FHOD3: variants seen among roughly 807,000 people sequenced by gnomAD.
FHOD3 encodes the protein FH1/FH2 domain-containing protein 3.
FHOD3 carries 90 observed loss-of-function variants against 173.0 expected under a neutral mutation model. That is an observed-to-expected ratio of 0.52 (90% confidence interval 0.44 to 0.62). FHOD3 has a LOEUF of 0.62. Among genes scored for constraint, FHOD3 ranks in the 20% least tolerant of loss-of-function variants. FHOD3 has a pLI of 0.00. For synonymous variants in FHOD3, 828 were observed against 823.0 expected (o/e 1.01, Z -0.10); for missense variants, 1,945 against 2,034.7 (o/e 0.96, Z 0.85).
intron 1 of FHOD3, among the ~76,000 whole-genome samples, chr18:36,349,927 C>T (rs1020914534): frequency 2.6e-5 from 4 of 152,064 alleles, no homozygotes; most frequent in South Asian, 2.1e-4. Context: ...CCACCACACC[C>T]GGCTAATTTT....
At chr18:36,398,264 G>A (rs1336009038) in intron 3 of FHOD3, among the ~76,000 whole-genome samples, 1 of 152,172 alleles carries the variant, frequency 6.6e-6, no homozygotes, top group Non-Finnish European at 1.5e-5. Flanking sequence ...TGAACTATTT[G>A]CACCATATCT....
rs1479376630 is a variant in FHOD3, at chr18:36,740,865, G to A, written c.3759+27G>A. The A allele has an allele frequency of 1.9e-6, 3 of 1,594,632 alleles. No individual in the cohort carries two copies. In the African/African-American group the frequency reaches 4.1e-5, roughly 22 times the overall value. On this transcript the variant is annotated intron_variant, in intron 21 of 28. Transcript: ENST00000590592. ...TAAGCTCTCTGTAAGAGAGGCCGCT[G>A]ATCCCACATCCACAGTGTTGAGAAA...
intron 19 of FHOD3, 149 bp from the exon 20 acceptor site, chr18:36,730,497 C>A: frequency 1.5e-6 from 1 of 673,234 alleles, no homozygotes; most frequent in Non-Finnish European, 2.4e-6. Flanking sequence ...CTGATACTTT[C>A]TGTGCTGAAC....
At position 36,372,661 on chromosome 18, in the gene FHOD3, T is replaced by A. The variant is rs748941627; in HGVS notation, c.273-19T>A. On this transcript the variant is annotated intron_variant, in intron 2 of 28. Coordinates refer to ENST00000590592, the MANE Select transcript of FHOD3 (RefSeq NM_001281740.3). ...TGCTGACTCCTCTGATGCCCCTGTT[T>A]TGTCTCCTGTCTCGTTAGGCGGGGC... is the stretch of plus-strand genomic sequence containing the variant. 6.2e-7 allele frequency: 1 copy of A among 1,613,026 alleles called. No homozygotes were observed. Among genetic ancestry groups the A allele is most frequent in the East Asian group, 2.2e-5 (1 of 44,818 alleles).
At chr18:36,539,103 A>G (rs746465363) in intron 5 of FHOD3, among the ~76,000 whole-genome samples, 1 of 152,248 alleles carries the variant, frequency 6.6e-6, no homozygotes, top group Non-Finnish European at 1.5e-5. Flanking sequence ...TAAGACCACT[A>G]TCCATACTCA....
chr18:36,701,126 T>G (rs1013072910), intron 17 of FHOD3, among the ~76,000 whole-genome samples: 1 of 152,174 alleles, frequency 6.6e-6, no homozygotes, highest in African/African-American at 2.4e-5. Flanking sequence ...GGGTTATGAG[T>G]TGGCGAATGG....
At chr18:36,672,412 C>T (rs1030553129) in intron 14 of FHOD3, among the ~76,000 whole-genome samples, 9 of 152,092 alleles carry the variant, frequency 5.9e-5, no homozygotes, top group Admixed American at 2.6e-4. Flanking sequence ...TGCAGTCAGC[C>T]GGTCGTTGAT....
At chr18:36,409,326 G>T (rs747608438) in intron 3 of FHOD3, among the ~76,000 whole-genome samples, 1 of 152,196 alleles carries the variant, frequency 6.6e-6, no homozygotes, top group East Asian at 1.9e-4. Flanking sequence ...CACAGTCTAG[G>T]AGTTCGAGGC....
intron 5 of FHOD3, among the ~76,000 whole-genome samples, chr18:36,528,350 C>T (rs746455720): frequency 3.9e-5 from 6 of 152,178 alleles, no homozygotes; most frequent in African/African-American, 1.2e-4. Context: ...TACTGTAAAA[C>T]GGGACCTGAA....
chr18:36,576,576 T>C, intron 6 of FHOD3, 31 bp downstream of exon 6: 2 of 1,523,938 alleles, frequency 1.3e-6, no homozygotes, highest in Non-Finnish European at 1.8e-6. Context: ...ACTGTTTTGT[T>C]CACTTGTCAT....
intron 24 of FHOD3, among the ~76,000 whole-genome samples, chr18:36,752,157 T>C (rs2042428613): frequency 6.6e-6 from 1 of 152,148 alleles, no homozygotes; most frequent in Admixed American, 6.5e-5. Flanking sequence ...GGATGGGGGA[T>C]ACCGCCCCCT....
chr18:36,326,324 C>T (rs375527282), intron 1 of FHOD3, among the ~76,000 whole-genome samples: 1 of 152,322 alleles, frequency 6.6e-6, no homozygotes, highest in Non-Finnish European at 1.5e-5. Context: ...CTTATTTACT[C>T]TTAAAAACAT....
intron 27 of FHOD3, among the ~76,000 whole-genome samples, chr18:36,762,934 TTATA>T (rs1218679168): frequency 1.4e-5 from 2 of 147,296 alleles, no homozygotes; most frequent in Non-Finnish European, 3.0e-5. Context: ...ATTATATACA[TTATA>T]TATAATATGT....
chr18:36,530,718 G>A (rs2056746715), intron 5 of FHOD3, among the ~76,000 whole-genome samples: 1 of 152,144 alleles, frequency 6.6e-6, no homozygotes, highest in African/African-American at 2.4e-5. Context: ...ATTTTCTCTA[G>A]GATTTACCTA....
intron 19 of FHOD3, among the ~76,000 whole-genome samples, chr18:36,727,846 A>T (rs998293232): frequency 6.6e-6 from 1 of 152,220 alleles, no homozygotes; most frequent in Admixed American, 6.5e-5. Flanking sequence ...TCTCAGGGTG[A>T]TGGCAAGGGG....
intron 3 of FHOD3, among the ~76,000 whole-genome samples, chr18:36,415,932 C>T (rs1377091095): frequency 6.6e-6 from 1 of 152,230 alleles, no homozygotes; most frequent in East Asian, 1.9e-4. Context: ...GACTGTCTTT[C>T]TCTTCCAGAC....
intron 27 of FHOD3, among the ~76,000 whole-genome samples, chr18:36,761,933 T>C (rs1198658784): frequency 6.6e-6 from 1 of 152,174 alleles, no homozygotes; most frequent in East Asian, 1.9e-4. Flanking sequence ...AGCTGGTTTG[T>C]GGGTTGCCAT....
At chr18:36,647,764 A>T (rs1039507185) in intron 10 of FHOD3, among the ~76,000 whole-genome samples, 18 of 152,234 alleles carry the variant, frequency 1.2e-4, no homozygotes, top group Non-Finnish European at 2.4e-4. Context: ...CTTCAAGTAT[A>T]CGTAACTATG....
intron 3 of FHOD3, among the ~76,000 whole-genome samples, chr18:36,480,309 A>G (rs905835132): frequency 4.6e-5 from 7 of 152,178 alleles, no homozygotes; most frequent in South Asian, 2.1e-4. Flanking sequence ...CATTAGAATC[A>G]TGGAAAAATT....
Sources: gnomAD v4.1 joint callset for allele counts (sites outside exome capture counted in the v4.1 genomes callset) on GRCh38, gnomAD v4.1.1 for gene constraint, MANE v1.5 for transcripts, NCBI Gene and HGNC (gene_info 2026-07-23, HGNC 2026-07-21) for gene names.